The following NEIL1 variants were observed in gnomAD, a reference collection of about 807,000 sequenced individuals.
The protein encoded by NEIL1 is endonuclease 8-like 1.
In NEIL1, 31 loss-of-function variants were observed where a neutral mutation model predicts 44.2. The ratio of observed to expected loss-of-function variants is 0.70; its 90% CI spans 0.53 to 0.95. The LOEUF (loss-of-function observed/expected upper bound fraction) is 0.95, where lower values mean the gene tolerates loss of function less well. Among genes scored for constraint, NEIL1 ranks in the 40% least tolerant of loss-of-function variants. The probability of loss-of-function intolerance (pLI) is 0.00; values close to 1 mark genes in which losing one functional copy is unlikely to be tolerated. For synonymous variants in NEIL1, 254 were observed against 209.7 expected (o/e 1.21, Z -1.83); for missense variants, 549 against 515.5 (o/e 1.07, Z -0.63).
intron 6 of NEIL1, 186 bp downstream of exon 6, chr15:75,354,052 G>A (rs1457722254): frequency 1.9e-6 from 2 of 1,041,726 alleles, no homozygotes; most frequent in African/African-American, 1.6e-5. Flanking sequence ...AGTAGCCCAA[G>A]GCAGGTAGCC....
chr15:75,356,976 C>A lies in NEIL1; in HGVS notation c.*1942C>A. 1 of 1,245,280 alleles carries A rather than the reference C, an allele frequency of 8.0e-7. No individual in the cohort carries two copies. The highest frequency in any genetic ancestry group is 1.3e-5 in the South Asian group (1 of 79,942). 77.1% of individuals were successfully genotyped at this position (1,245,280 alleles called of 1,614,324 possible). A position where few individuals can be genotyped will look rare whatever the true frequency, so the allele number is the denominator to read the frequency against. On this transcript the variant is annotated 3_prime_UTR_variant, in exon 10 of 10. Transcript: ENST00000355059. This position sits in a 1 kb window ranked among gnomAD's most constrained non-coding sequence, Gnocchi z 5.8. ...TGCTCCCAGACTCCAGAGCTCCTGT[C>A]ACTAGGCCGAGCACAAGCTCTAGAA... is the stretch of plus-strand genomic sequence containing the variant.
At chr15:75,353,217 A>G (rs2072066919) in intron 5 of NEIL1, 1 of 167,030 alleles carries the variant, frequency 6.0e-6, no homozygotes, top group Non-Finnish European at 1.2e-5. Flanking sequence ...ATTCTTTTAT[A>G]TATTTATACA....
chr15:75,351,865 GCCCGCC>G, intron 2 of NEIL1: 1 of 416,858 alleles, frequency 2.4e-6, no homozygotes, highest in Non-Finnish European at 4.5e-6. Context: ...CAAGTGATCT[GCCCGCC>G]TCGGCCTCCC....
intron 8 of NEIL1, 42 bp from the exon 9 acceptor site, chr15:75,354,608 AACT>A: frequency 6.2e-7 from 1 of 1,613,744 alleles, no homozygotes; most frequent in Non-Finnish European, 8.5e-7. Context: ...CCAACCTCTG[AACT>A]GCTTTCTGAG....
chr15:75,351,231 T>C, intron 2 of NEIL1: 1 of 451,050 alleles, frequency 2.2e-6, no homozygotes, highest in South Asian at 1.6e-5. Flanking sequence ...TCCTGAGGAG[T>C]CTGAGGTGAT....
chr15:75,353,031 C>T (rs988764687), intron 5 of NEIL1: 3 of 250,834 alleles, frequency 1.2e-5, no homozygotes, highest in Non-Finnish European at 1.6e-5. Flanking sequence ...ATCTCAGCTA[C>T]TCGGGAGGAT....
At position 75,356,644 on chromosome 15, in the gene NEIL1, CCCGTGT is replaced by C. The variant is rs2072313456; in HGVS notation, c.*1612_*1617del. 10 of 1,573,944 alleles carry C rather than the reference CCCGTGT, an allele frequency of 6.4e-6. No individual in the cohort carries two copies. The highest frequency in any genetic ancestry group is 8.6e-6 in the Non-Finnish European group (10 of 1,160,094). Reference sequence around the variant, plus strand: ...CAGTGCATAGGTGAACTCGTGGCGCCCCGTGTCAGCAGTAGCGTCCGGGGCTTTAGG... The same window carrying C: ...CAGTGCATAGGTGAACTCGTGGCGCCCAGCAGTAGCGTCCGGGGCTTTAGG... On this transcript the variant is annotated 3_prime_UTR_variant, in exon 10 of 10. Coordinates refer to ENST00000355059, the MANE Select transcript of NEIL1 (RefSeq NM_024608.4). This position sits in a 1 kb window ranked among gnomAD's most constrained non-coding sequence, Gnocchi z 5.8.
chr15:75,348,263 C>A, intron 1 of NEIL1: 1 of 936,788 alleles, frequency 1.1e-6, no homozygotes, highest in Non-Finnish European at 1.3e-6. Flanking sequence ...GTTCTCGCTG[C>A]GGCCAAGCGG....
At chr15:75,353,247 A>ACACG (rs1555432616) in intron 5 of NEIL1, 3 of 250,678 alleles carry the variant, frequency 1.2e-5, no homozygotes, top group Non-Finnish European at 2.4e-5. Context: ...ACACACACAC[A>ACACG]CACGCACGTT....
At position 75,349,293 on chromosome 15, in the gene NEIL1, C is replaced by G; in HGVS notation, c.388C>G (p.Gln130Glu). The G allele has an allele frequency of 6.2e-7, 1 of 1,610,972 alleles. No individual in the cohort carries two copies. Residue 130 changes from glutamine to glutamate, a missense_variant, in exon 2 of 10, where the codon CAG (glutamine) becomes GAG (glutamate). Gln to Glu is a conservative substitution (Grantham distance 29). Transcript: ENST00000355059. ...FGRWDLGGKW[Q>E]PGRGPCVLQE... ...CCGCTGGGACCTTGGGGGAAAGTGG[C>G]AGCCGGGCCGCGGGCCCTGTGTCTT...
chr15:75,353,142 C>CAA (rs1195902594), intron 5 of NEIL1: 381 of 95,396 alleles, frequency 4.0e-3, no homozygotes, highest in African/African-American at 0.011. Context: ...AACTCCATCT[C>CAA]AAAAAAAAAA....
At chr15:75,347,947 C>T in intron 1 of NEIL1, 1 of 1,250,356 alleles carries the variant, frequency 8.0e-7, no homozygotes, top group South Asian at 1.3e-5. Context: ...TAAGTGCCCC[C>T]TTCCACTTAA....
intron 5 of NEIL1, 66 bp from the exon 6 acceptor site, chr15:75,353,672 AC>A (rs772656874): frequency 1.3e-6 from 2 of 1,587,202 alleles, no homozygotes; most frequent in South Asian, 1.1e-5. Context: ...GCCAGGTCTA[AC>A]CAGGCTCCCC....
chr15:75,355,738 T>TCCCCCC lies in NEIL1; in HGVS notation c.*707_*708insCCCCCC. 3 of 634,990 alleles carry TCCCCCC rather than the reference T, an allele frequency of 4.7e-6. No homozygotes were observed. Among genetic ancestry groups the TCCCCCC allele is most frequent in the Non-Finnish European group, 7.6e-6 (3 of 394,140 alleles). 39.3% of individuals were successfully genotyped at this position (634,990 alleles called of 1,614,324 possible). On this transcript the variant is annotated 3_prime_UTR_variant, in exon 10 of 10. Transcript: ENST00000355059. ...CTGGGAAGCCATCCCACCCCAGACTTCCCACCCCCACCCCAAGCGTGAGGA... is the reference window on the plus strand; with the variant it reads ...CTGGGAAGCCATCCCACCCCAGACTTCCCCCCCCCACCCCCACCCCAAGCGTGAGGA...
chr15:75,355,030 C>A lies in NEIL1; in HGVS notation c.1169C>A (p.Ser390Tyr), dbSNP rs1256773830. Reference sequence around the variant, plus strand: ...TTGGAACCAGAGGGGACCTCAGCCTCTTAGCAGGAGGCTCTCCTTGCTTGC... The same window carrying A: ...TTGGAACCAGAGGGGACCTCAGCCTATTAGCAGGAGGCTCTCCTTGCTTGC... ...PSLEPEGTSA[S>Y] Residue 390 changes from serine (S) to tyrosine (Y), a missense_variant, in exon 10 of 10, where the codon TCT becomes TAT. Transcript: ENST00000355059. 6.2e-7 allele frequency: 1 copy of A among 1,613,752 alleles called. No homozygotes were observed. The highest frequency in any genetic ancestry group is 1.1e-5 in the South Asian group (1 of 90,986).
chr15:75,354,311 C>A, intron 7 of NEIL1, 34 bp downstream of exon 7: 3 of 1,613,710 alleles, frequency 1.9e-6, no homozygotes. Context: ...GCTAAGAGAG[C>A]AGAAAGGACT....
intron 4 of NEIL1, 104 bp from the exon 5 acceptor site, chr15:75,352,498 G>A: frequency 1.3e-6 from 2 of 1,545,750 alleles, no homozygotes; most frequent in South Asian, 1.1e-5. Flanking sequence ...AACAGGGGTG[G>A]GGAGGGGATG....
Position 75,353,842 on chromosome 15 carries a change from G to A in NEIL1, c.822G>A (p.Arg274=). ...CAGGCATGAGCTCCCTGCAGGACCG[G>A]CATGGCCGTACCATCTGGTTCCAGG... ...GMPGMSSLQD[R]HGRTIWFQGD... The change falls in exon 6 of 10, where the codon CGG becomes CGA. Residue 274 remains arginine, a synonymous_variant. Coordinates refer to ENST00000355059, the MANE Select transcript of NEIL1 (RefSeq NM_024608.4). 6.2e-7 allele frequency: 1 copy of A among 1,613,220 alleles called. No homozygotes were observed. Among genetic ancestry groups the A allele is most frequent in the Non-Finnish European group, 8.5e-7 (1 of 1,179,986 alleles).
intron 2 of NEIL1, chr15:75,351,304 C>G: frequency 2.4e-6 from 1 of 424,982 alleles, no homozygotes. Context: ...GAGACAGGGT[C>G]TCGCTCTGTT....
Sources: gnomAD v4.1 joint callset for allele counts on GRCh38, gnomAD v4.1.1 for gene constraint, Gnocchi (gnomAD v3.1) non-coding constraint, MANE v1.5 for transcripts, NCBI Gene and HGNC (gene_info 2026-07-23, HGNC 2026-07-21) for gene names.